RLIG1: variants seen among roughly 807,000 people sequenced by gnomAD.
RLIG1 encodes RNA ligase 1.
chr12:88,042,649 A>G, the RLIG1 span: 3 of 410,570 alleles, frequency 7.3e-6, no homozygotes, highest in African/African-American at 4.1e-5. Context: ...AACCAGAGAA[A>G]TAAGTCTTCT....
At chr12:88,043,890 A>G in the RLIG1 span, 1 of 604,682 alleles carries the variant, frequency 1.7e-6, no homozygotes, top group African/African-American at 1.9e-5. Flanking sequence ...AAGATGTTTC[A>G]TATCAAGAAT....
chr12:88,046,506 C>T, the RLIG1 span, among the ~76,000 whole-genome samples: 13 of 152,030 alleles, frequency 8.6e-5, no homozygotes, highest in African/African-American at 2.9e-4. Flanking sequence ...GAGCTACAGA[C>T]AGTACTTACA....
the RLIG1 span, chr12:88,043,503 T>G: frequency 2.9e-6 from 2 of 679,476 alleles, no homozygotes; most frequent in Non-Finnish European, 4.9e-6. Flanking sequence ...CCTGATATTA[T>G]GAGGTTTTAG....
At chr12:88,049,632 G>A in the RLIG1 span, 3 of 383,360 alleles carry the variant, frequency 7.8e-6, no homozygotes, top group Non-Finnish European at 1.4e-5. Context: ...TGTAAGTTGT[G>A]TTCTAGTCTT....
the RLIG1 span, among the ~76,000 whole-genome samples, chr12:88,039,569 G>C: frequency 1.3e-5 from 2 of 152,040 alleles, no homozygotes; most frequent in Admixed American, 6.6e-5. Flanking sequence ...TTTTTCCTCA[G>C]ATATTTACAT....
At chr12:88,048,870 A>G in the RLIG1 span, 10 of 204,504 alleles carry the variant, frequency 4.9e-5, no homozygotes, top group African/African-American at 1.8e-4. Flanking sequence ...ATAAGTATAT[A>G]TAAACTCCAA....
the RLIG1 span, chr12:88,043,500 T>C: frequency 6.9e-5 from 46 of 663,988 alleles, no homozygotes; most frequent in Non-Finnish European, 1.0e-4. Flanking sequence ...ACACCTGATA[T>C]TATGAGGTTT....
chr12:88,042,016 A>C, the RLIG1 span: 1 of 152,190 alleles, frequency 6.6e-6, no homozygotes, highest in African/African-American at 2.4e-5. Flanking sequence ...ATTACTACTA[A>C]GGCATTAAAA....
At chr12:88,046,890 A>G in the RLIG1 span, 2 of 1,613,282 alleles carry the variant, frequency 1.2e-6, no homozygotes, top group South Asian at 2.2e-5. Context: ...ATTGAAGCAC[A>G]ATGATCTCGT....
the RLIG1 span, among the ~76,000 whole-genome samples, chr12:88,038,136 C>CA: frequency 6.6e-6 from 1 of 152,066 alleles, no homozygotes; most frequent in African/African-American, 2.4e-5. Context: ...CTTGAGTACT[C>CA]ATGGTGCAAA....
chr12:88,045,696 T>C, the RLIG1 span: 4 of 1,613,292 alleles, frequency 2.5e-6, no homozygotes, highest in Non-Finnish European at 3.4e-6. Context: ...TCTGGACTTT[T>C]GGAAATTAGT....
At chr12:88,046,900 T>A in the RLIG1 span, 1 of 1,613,098 alleles carries the variant, frequency 6.2e-7, no homozygotes, top group Non-Finnish European at 8.5e-7. Flanking sequence ...AATGATCTCG[T>A]GTCCTGGTTT....
chr12:88,040,086 A>G, the RLIG1 span: 2 of 813,274 alleles, frequency 2.5e-6, no homozygotes, highest in Non-Finnish European at 4.2e-6. Context: ...TCAGGTGAGC[A>G]TGTGTGCAAA....
the RLIG1 span, among the ~76,000 whole-genome samples, chr12:88,046,081 T>C: frequency 2.0e-5 from 3 of 152,198 alleles, no homozygotes; most frequent in Non-Finnish European, 4.4e-5. Flanking sequence ...TTGAGTCGAT[T>C]GATGAAAATG....
At chr12:88,048,105 TAAA>T in the RLIG1 span, 2 of 442,538 alleles carry the variant, frequency 4.5e-6, no homozygotes, top group Non-Finnish European at 7.2e-6. Flanking sequence ...AGACCAGCTA[TAAA>T]AAAAAAAACA....
chr12:88,037,317 A>C, the RLIG1 span, among the ~76,000 whole-genome samples: 1 of 152,148 alleles, frequency 6.6e-6, no homozygotes, highest in African/African-American at 2.4e-5. Flanking sequence ...GATATTCACT[A>C]TTTTAATACA....
At chr12:88,041,530 C>G in the RLIG1 span, among the ~76,000 whole-genome samples, 1 of 152,220 alleles carries the variant, frequency 6.6e-6, no homozygotes, top group African/African-American at 2.4e-5. Flanking sequence ...ATTTACCTTT[C>G]TACCAACAGT....
chr12:88,035,873 T>A, the RLIG1 span: 1 of 1,507,152 alleles, frequency 6.6e-7, no homozygotes, highest in Non-Finnish European at 8.8e-7. Flanking sequence ...TAGGTTTCCC[T>A]GGGGAGGTCT....
chr12:88,039,555 T>C, the RLIG1 span, among the ~76,000 whole-genome samples: 1 of 152,188 alleles, frequency 6.6e-6, no homozygotes, highest in Non-Finnish European at 1.5e-5. Context: ...CCTTACCTTT[T>C]GTTTTTTTCC....
Sources: allele counts gnomAD v4.1 joint callset (sites outside exome capture counted in the v4.1 genomes callset), GRCh38; gene constraint gnomAD v4.1.1; transcripts MANE v1.5; gene names NCBI Gene and HGNC (gene_info 2026-07-23, HGNC 2026-07-21).